Variants in KANSL1 observed in about 807,000 individuals in gnomAD.
The protein encoded by KANSL1 is KAT8 regulatory NSL complex subunit 1.
A neutral mutation model predicts 103.6 loss-of-function variants in KANSL1; 22 were observed. The observed-to-expected ratio is 0.21, with a 90% CI of 0.15 to 0.30. The LOEUF is 0.30. Among genes scored for constraint, KANSL1 ranks in the 10% least tolerant of loss-of-function variants. The pLI is 1.00. For missense variants in KANSL1, 1,337 were observed against 1,399.8 expected, an observed-to-expected ratio of 0.96 and a Z score of 0.72; for synonymous variants, 600 against 527.6, an observed-to-expected ratio of 1.14 and a Z score of -1.88.
At chr17:46,141,438 G>C (rs772440596) in intron 2 of KANSL1, among the ~76,000 whole-genome samples, 2 of 152,172 alleles carry the variant, frequency 1.3e-5, no homozygotes, top group Non-Finnish European at 2.9e-5. Context: ...AACTTCACTG[G>C]GGGAGCATAG....
intron 2 of KANSL1, among the ~76,000 whole-genome samples, chr17:46,139,908 C>T (rs1222496211): frequency 3.3e-5 from 5 of 152,138 alleles, no homozygotes; most frequent in Admixed American, 6.5e-5. Flanking sequence ...TTTAAAAATA[C>T]TTTTGGTCCT....
At chr17:46,209,277 T>C (rs1006210997) in intron 1 of KANSL1, among the ~76,000 whole-genome samples, 4 of 152,036 alleles carry the variant, frequency 2.6e-5, no homozygotes, top group Non-Finnish European at 5.9e-5. Flanking sequence ...ACTTGATAAG[T>C]GGGATTGATA....
At chr17:46,143,803 CAAAAAAAAAAA>C (rs57361021) in intron 2 of KANSL1, among the ~76,000 whole-genome samples, 13 of 85,528 alleles carry the variant, frequency 1.5e-4, no homozygotes, top group Admixed American at 2.7e-4. Flanking sequence ...GACTCCATCT[CAAAAAAAAAAA>C]AAAAAAAAAA....
chr17:46,142,320 A>G (rs2147378240), intron 2 of KANSL1, among the ~76,000 whole-genome samples: 1 of 152,354 alleles, frequency 6.6e-6, no homozygotes, highest in East Asian at 1.9e-4. Flanking sequence ...AAGAATCATA[A>G]AAACATTACA....
At chr17:46,084,190 T>G (rs191924261) in intron 3 of KANSL1, among the ~76,000 whole-genome samples, 2 of 152,122 alleles carry the variant, frequency 1.3e-5, no homozygotes, top group Admixed American at 1.3e-4. Context: ...AAGATCAGCC[T>G]GGCCAACATG....
At chr17:46,157,965 G>A (rs1370093615) in intron 2 of KANSL1, among the ~76,000 whole-genome samples, 1 of 152,244 alleles carries the variant, frequency 6.6e-6, no homozygotes, top group East Asian at 1.9e-4. Flanking sequence ...GAAATCTAGA[G>A]AAAGAATAGT....
At chr17:46,144,412 C>G (rs972908440) in intron 2 of KANSL1, among the ~76,000 whole-genome samples, 1 of 152,162 alleles carries the variant, frequency 6.6e-6, no homozygotes, top group Admixed American at 6.5e-5. Flanking sequence ...AAATTTAAAC[C>G]ACAGAAAGTT....
At chr17:46,137,695 C>G (rs2044218560) in intron 2 of KANSL1, among the ~76,000 whole-genome samples, 1 of 150,864 alleles carries the variant, frequency 6.6e-6, no homozygotes, top group African/African-American at 2.4e-5. Flanking sequence ...AACCCCGTCT[C>G]TACTAAAAAA....
At chr17:46,061,726 C>T (rs1456518479) in intron 6 of KANSL1, among the ~76,000 whole-genome samples, 7 of 152,198 alleles carry the variant, frequency 4.6e-5, no homozygotes, top group Non-Finnish European at 5.9e-5. Flanking sequence ...AGACTATTAT[C>T]TCCTCCAGGA....
At chr17:46,220,635 A>T (rs2148066365) in intron 1 of KANSL1, among the ~76,000 whole-genome samples, 1 of 152,384 alleles carries the variant, frequency 6.6e-6, no homozygotes, top group East Asian at 1.9e-4. Context: ...CAATTCCTAG[A>T]CCTAACAGGT....
At position 46,172,093 on chromosome 17, in the gene KANSL1, A is replaced by G; in HGVS notation, c.51T>C (p.His17=). The change falls in exon 2 of 15, where the codon CAT becomes CAC. Residue 17 remains histidine, a synonymous_variant. Transcript: ENST00000432791. ...ATGGGGGAGCCAGTTTGAACCGGAT[A>G]TGGTGTGCTTCAGCTGCTGCGTCAG... ...ALTDAAAEAH[H]IRFKLAPPSS... The G allele has an allele frequency of 1.2e-6, 2 of 1,611,462 alleles. No individual in the cohort carries two copies. Among genetic ancestry groups the G allele is most frequent in the Non-Finnish European group, 1.7e-6 (2 of 1,179,648 alleles).
chr17:46,217,944 T>G (rs886466509), intron 1 of KANSL1, among the ~76,000 whole-genome samples: 2 of 152,156 alleles, frequency 1.3e-5, no homozygotes, highest in Non-Finnish European at 2.9e-5. Flanking sequence ...GAGAATCACC[T>G]GAACCTGAGA....
In KANSL1 at chr17:46,193,080, G is replaced by A. The variant is rs2047433839; in HGVS notation, c.-347C>T. 2 of 152,092 alleles carry A rather than the reference G, an allele frequency of 1.3e-5. No individual in the cohort carries two copies. Among genetic ancestry groups the A allele is most frequent in the South Asian group, 4.1e-4 (2 of 4,844 alleles). The allele number at this position is 152,092 out of a possible 1,614,324, so 9.4% of individuals were successfully genotyped here. ...TTTCTTCTCTTTCGGGCCCTTTCCC[G>A]GCCTTGCTCCGCACCGACGGGGCCC... On this transcript the variant is annotated 5_prime_UTR_variant, in exon 1 of 15. Coordinates refer to ENST00000432791, the MANE Select transcript of KANSL1 (RefSeq NM_015443.4).
At chr17:46,216,493 G>A in intron 1 of KANSL1, among the ~76,000 whole-genome samples, 1 of 151,710 alleles carries the variant, frequency 6.6e-6, no homozygotes, top group Non-Finnish European at 1.5e-5. Flanking sequence ...CAGCTACTGG[G>A]GAAACTGAGG....
intron 2 of KANSL1, among the ~76,000 whole-genome samples, chr17:46,122,624 A>C (rs182577180): frequency 1.1e-4 from 17 of 152,352 alleles, no homozygotes; most frequent in African/African-American, 3.6e-4. Flanking sequence ...TTAAAAAAAA[A>C]CAAATTCAAT....
At chr17:46,113,126 G>A (rs1181677541) in intron 2 of KANSL1, among the ~76,000 whole-genome samples, 6 of 152,162 alleles carry the variant, frequency 3.9e-5, no homozygotes, top group African/African-American at 7.2e-5. Flanking sequence ...ACTGGGGGTG[G>A]GGGGATGGTA....
chr17:46,144,801 T>C (rs752426350), intron 2 of KANSL1, among the ~76,000 whole-genome samples: 12 of 151,868 alleles, frequency 7.9e-5, no homozygotes, highest in African/African-American at 2.7e-4. Context: ...CTTAGCTTTC[T>C]ATGTGCAAAG....
At chr17:46,117,876 A>G (rs566940333) in intron 2 of KANSL1, among the ~76,000 whole-genome samples, 1 of 152,376 alleles carries the variant, frequency 6.6e-6, no homozygotes, top group South Asian at 2.1e-4. Context: ...AAAGAAATAC[A>G]CTACTAAATC....
At chr17:46,115,981 A>C (rs1009876015) in intron 2 of KANSL1, among the ~76,000 whole-genome samples, 1 of 152,248 alleles carries the variant, frequency 6.6e-6, no homozygotes, top group African/African-American at 2.4e-5. Flanking sequence ...AAACGTTTCC[A>C]TTTATGGCAC....
Sources: allele counts gnomAD v4.1 joint callset (sites outside exome capture counted in the v4.1 genomes callset), GRCh38; gene constraint gnomAD v4.1.1; transcripts MANE v1.5; gene names NCBI Gene and HGNC (gene_info 2026-07-23, HGNC 2026-07-21).